The following DLGAP2 variants were observed in gnomAD, a reference collection of about 807,000 sequenced individuals.
The protein encoded by DLGAP2 is DLG associated protein 2, also known as disks large-associated protein 2.
In DLGAP2, 26 loss-of-function variants were observed where a neutral mutation model predicts 100.3. That is an observed-to-expected ratio of 0.26 (90% CI 0.19 to 0.36). The LOEUF (loss-of-function observed/expected upper bound fraction) is 0.36. Ranked by LOEUF, DLGAP2 falls within the 10% of genes least tolerant of loss-of-function variation. The probability of loss-of-function intolerance (pLI) is 1.00; values close to 1 mark genes in which losing one functional copy is unlikely to be tolerated. For missense variants in DLGAP2, 1,858 were observed against 1,453.2 expected (o/e 1.28, Z -4.53); for synonymous variants, 886 against 630.1 (o/e 1.41, Z -6.08).
intron 2 of DLGAP2, among the ~76,000 whole-genome samples, chr8:1,256,214 CTGTGTG>C (rs1799210094): frequency 8.9e-6 from 1 of 111,824 alleles, no homozygotes. Context: ...TGCCCGGGTG[CTGTGTG>C]TGTGCCCTCT....
chr8:1,363,986 C>T (rs1283735996), intron 3 of DLGAP2, among the ~76,000 whole-genome samples: 1 of 152,214 alleles, frequency 6.6e-6, no homozygotes, highest in African/African-American at 2.4e-5. Flanking sequence ...TCCCCAGCCC[C>T]TCATCCTCTG....
At chr8:878,031 A>G (rs914910189) in intron 1 of DLGAP2, among the ~76,000 whole-genome samples, 1 of 152,214 alleles carries the variant, frequency 6.6e-6, no homozygotes, top group Non-Finnish European at 1.5e-5. Context: ...CTGTTTGCCA[A>G]TGGACCATTT....
chr8:857,437 T>C (rs2128988996), intron 1 of DLGAP2, among the ~76,000 whole-genome samples: 1 of 152,294 alleles, frequency 6.6e-6, no homozygotes, highest in South Asian at 2.1e-4. Context: ...AACACACACC[T>C]GATGGAGGAC....
intron 1 of DLGAP2, chr8:738,038 G>A (rs1820365154): frequency 3.3e-6 from 1 of 300,138 alleles, no homozygotes. Flanking sequence ...GCTCCTCGCC[G>A]GGCTCCGCGC....
chr8:1,361,448 C>G (rs1018669140), intron 3 of DLGAP2, among the ~76,000 whole-genome samples: 8 of 152,176 alleles, frequency 5.3e-5, no homozygotes, highest in African/African-American at 1.9e-4. Flanking sequence ...ACTCTAATCT[C>G]TGTAGTTTTT....
At chr8:1,496,580 G>T (rs541576890) in intron 3 of DLGAP2, among the ~76,000 whole-genome samples, 4 of 152,162 alleles carry the variant, frequency 2.6e-5, no homozygotes, top group African/African-American at 9.7e-5. Context: ...GAAGGCAAAC[G>T]TGGCGCACCC....
At chr8:1,090,789 A>G (rs1804155480) in intron 2 of DLGAP2, among the ~76,000 whole-genome samples, 1 of 152,184 alleles carries the variant, frequency 6.6e-6, no homozygotes, top group African/African-American at 2.4e-5. Flanking sequence ...ATTTAGTACA[A>G]AAGCTGAATG....
intron 2 of DLGAP2, among the ~76,000 whole-genome samples, chr8:979,565 T>C (rs987510734): frequency 6.6e-6 from 1 of 152,128 alleles, no homozygotes; most frequent in Non-Finnish European, 1.5e-5. Context: ...TGTGGGCAGG[T>C]TTTGCACCTG....
chr8:1,123,236 A>G (rs946085556), intron 2 of DLGAP2, among the ~76,000 whole-genome samples: 1 of 152,222 alleles, frequency 6.6e-6, no homozygotes, highest in Non-Finnish European at 1.5e-5. Flanking sequence ...TGGCTTTTGC[A>G]TTCTAAAATG....
At chr8:1,200,838 CG>C (rs1300771565) in intron 2 of DLGAP2, among the ~76,000 whole-genome samples, 1 of 152,244 alleles carries the variant, frequency 6.6e-6, no homozygotes, top group Non-Finnish European at 1.5e-5. Context: ...CTTTGTTTTC[CG>C]TTCCCACATA....
intron 3 of DLGAP2, among the ~76,000 whole-genome samples, chr8:1,496,927 C>T (rs986424401): frequency 1.3e-5 from 2 of 152,096 alleles, no homozygotes; most frequent in Non-Finnish European, 2.9e-5. Context: ...AGATGGTTTA[C>T]GGGGTCTCCA....
At chr8:1,684,043 G>A (rs1001630271) in intron 12 of DLGAP2, among the ~76,000 whole-genome samples, 39 of 138,338 alleles carry the variant, frequency 2.8e-4, no homozygotes, top group Non-Finnish European at 4.5e-4. Flanking sequence ...GCGCAGTGGC[G>A]CGATCTCAGC....
At chr8:1,371,830 C>G (rs985689409) in intron 3 of DLGAP2, among the ~76,000 whole-genome samples, 2 of 152,160 alleles carry the variant, frequency 1.3e-5, no homozygotes, top group Non-Finnish European at 2.9e-5. Flanking sequence ...TGGAAGTGGG[C>G]TTGACTATTC....
At chr8:1,514,681 A>G (rs764016213) in intron 4 of DLGAP2, among the ~76,000 whole-genome samples, 15 of 152,076 alleles carry the variant, frequency 9.9e-5, no homozygotes, top group Non-Finnish European at 1.9e-4. Context: ...ACCCCATTCT[A>G]AAGGAGGGGA....
intron 3 of DLGAP2, among the ~76,000 whole-genome samples, chr8:1,307,629 G>A (rs1023305101): frequency 7.9e-5 from 12 of 152,284 alleles, no homozygotes; most frequent in African/African-American, 2.4e-4. Context: ...CAATAGACAC[G>A]TAAATGGATG....
intron 3 of DLGAP2, among the ~76,000 whole-genome samples, chr8:1,488,028 TGA>T (rs34228817): frequency 0.49 from 73,836 of 151,598 alleles, 21,158 homozygotes; most frequent in Admixed American, 0.65. Context: ...CCATCATCGC[TGA>T]GAGTCTTCGT....
chr8:1,356,510 G>T (rs1325373624), intron 3 of DLGAP2, among the ~76,000 whole-genome samples: 1 of 152,170 alleles, frequency 6.6e-6, no homozygotes, highest in African/African-American at 2.4e-5. Flanking sequence ...TGTGCTGGTG[G>T]CCTGGGATGG....
chr8:1,094,978 C>A (rs1181477143), intron 2 of DLGAP2, among the ~76,000 whole-genome samples: 1 of 152,204 alleles, frequency 6.6e-6, no homozygotes, highest in East Asian at 1.9e-4. Flanking sequence ...AGCGGCACTT[C>A]CAGGTCTCAG....
At chr8:933,398 C>A (rs1169661463) in intron 2 of DLGAP2, among the ~76,000 whole-genome samples, 1 of 148,306 alleles carries the variant, frequency 6.7e-6, no homozygotes, top group African/African-American at 2.5e-5. Flanking sequence ...TGGCTGTGGG[C>A]ACGAGGGTGA....
Sources: gnomAD v4.1 joint callset for allele counts (sites outside exome capture counted in the v4.1 genomes callset) on GRCh38, gnomAD v4.1.1 for gene constraint, MANE v1.5 for transcripts, NCBI Gene and HGNC (gene_info 2026-07-23, HGNC 2026-07-21) for gene names.